CERT1: variants seen among roughly 807,000 people sequenced by gnomAD.
CERT1 encodes ceramide transporter 1.
In CERT1, 31 loss-of-function variants were observed where a neutral mutation model predicts 87.9. The observed-to-expected ratio is 0.35, with a 90% CI of 0.27 to 0.48. The LOEUF is 0.48. Among genes scored for constraint, CERT1 ranks in the 20% least tolerant of loss-of-function variants. The pLI is 0.99. For synonymous variants in CERT1, 289 were observed against 250.9 expected (o/e 1.15, Z -1.44); for missense variants, 487 against 758.0 (o/e 0.64, Z 4.20).
chr5:75,400,116 G>A, intron 10 of CERT1, 89 bp downstream of exon 10: 1 of 969,002 alleles, frequency 1.0e-6, no homozygotes, highest in Non-Finnish European at 1.6e-6. Context: ...TGGTGACAGA[G>A]TGAGACTCCG....
At chr5:75,504,599 T>G (rs1422189401) in intron 2 of CERT1, among the ~76,000 whole-genome samples, 1 of 152,220 alleles carries the variant, frequency 6.6e-6, no homozygotes, top group African/African-American at 2.4e-5. Context: ...TCTTTCACTT[T>G]TATAAGCCAA....
intron 3 of CERT1, among the ~76,000 whole-genome samples, chr5:75,444,931 C>T (rs75673664): frequency 0.12 from 18,751 of 151,942 alleles, 1,263 homozygotes; most frequent in South Asian, 0.23. Flanking sequence ...TGGTTATCAT[C>T]GGGATGATAT....
chr5:75,485,901 G>A (rs940776674), intron 2 of CERT1, among the ~76,000 whole-genome samples: 14 of 152,070 alleles, frequency 9.2e-5, no homozygotes, highest in Non-Finnish European at 1.8e-4. Context: ...AGACCCAGTG[G>A]CTTCACTGTT....
At chr5:75,476,305 A>G (rs1434954340) in intron 2 of CERT1, among the ~76,000 whole-genome samples, 1 of 152,146 alleles carries the variant, frequency 6.6e-6, no homozygotes, top group African/African-American at 2.4e-5. Flanking sequence ...TTAAGATATA[A>G]GAAAAGCATG....
At chr5:75,384,556 A>G (rs2112007708) in intron 14 of CERT1, 86 bp downstream of exon 14, 1 of 878,756 alleles carries the variant, frequency 1.1e-6, no homozygotes, top group Non-Finnish European at 1.8e-6. Flanking sequence ...GCTTTTAATA[A>G]CCTCCCCAAT....
At chr5:75,386,330 C>A (rs1761783147) in intron 12 of CERT1, among the ~76,000 whole-genome samples, 1 of 152,158 alleles carries the variant, frequency 6.6e-6, no homozygotes, top group African/African-American at 2.4e-5. Context: ...TCTCAAAAGA[C>A]TGTTTAACAT....
intron 3 of CERT1, among the ~76,000 whole-genome samples, chr5:75,446,456 C>T (rs1431501657): frequency 6.6e-6 from 1 of 152,124 alleles, no homozygotes; most frequent in East Asian, 1.9e-4. Context: ...AAGGTAGCTG[C>T]TTTAAAGTCT....
chr5:75,486,663 C>T (rs1379355091), intron 2 of CERT1, among the ~76,000 whole-genome samples: 1 of 151,870 alleles, frequency 6.6e-6, no homozygotes, highest in Non-Finnish European at 1.5e-5. Flanking sequence ...AAAATACATA[C>T]ACAAAAATCA....
At chr5:75,397,827 T>G (rs914778508) in intron 11 of CERT1, among the ~76,000 whole-genome samples, 8 of 152,130 alleles carry the variant, frequency 5.3e-5, no homozygotes, top group African/African-American at 1.4e-4. Flanking sequence ...TAGACCAGCC[T>G]GGCCAACATG....
chr5:75,401,718 A>T (rs79372215), intron 9 of CERT1: 1 of 152,202 alleles, frequency 6.6e-6, no homozygotes, highest in Admixed American at 6.5e-5. Context: ...TTTTAAAAAA[A>T]TAACGAAAGA....
intron 3 of CERT1, among the ~76,000 whole-genome samples, chr5:75,442,797 A>G (rs904215129): frequency 9.2e-5 from 14 of 152,166 alleles, no homozygotes; most frequent in Admixed American, 2.0e-4. Flanking sequence ...GAAAAGAGAG[A>G]AAGAGCCAGA....
chr5:75,448,807 A>G (rs1393017310), intron 3 of CERT1, among the ~76,000 whole-genome samples: 1 of 152,116 alleles, frequency 6.6e-6, no homozygotes. Flanking sequence ...ATGTAATCTC[A>G]TTTTCTTTAA....
intron 2 of CERT1, among the ~76,000 whole-genome samples, chr5:75,484,622 A>C (rs75772630): frequency 0.014 from 2,121 of 152,224 alleles, 52 homozygotes; most frequent in African/African-American, 0.049. Flanking sequence ...ATTTCAAGAC[A>C]AAACCAACAA....
chr5:75,431,188 A>AT (rs558281941), intron 3 of CERT1, among the ~76,000 whole-genome samples: 1 of 152,232 alleles, frequency 6.6e-6, no homozygotes, highest in South Asian at 2.1e-4. Flanking sequence ...CCTGACAGGT[A>AT]TTTTTTTGTC....
chr5:75,432,387 T>A (rs1007122629), intron 3 of CERT1, among the ~76,000 whole-genome samples: 1 of 152,162 alleles, frequency 6.6e-6, no homozygotes, highest in Non-Finnish European at 1.5e-5. Flanking sequence ...CTCACCAACA[T>A]CTGTTATTTT....
At chr5:75,477,952 C>T (rs570495978) in intron 2 of CERT1, among the ~76,000 whole-genome samples, 7 of 152,168 alleles carry the variant, frequency 4.6e-5, no homozygotes, top group African/African-American at 1.7e-4. Flanking sequence ...CAGATTGATA[C>T]ATTCATCTTG....
At chr5:75,511,964 G>A (rs968129814), upstream of CERT1, 5 of 703,370 alleles carry the variant, frequency 7.1e-6, no homozygotes, top group Admixed American at 1.5e-4. Context: ...CTTGTCAGTC[G>A]GTGGGTGGGC....
chr5:75,422,041 A>AT lies in CERT1; in HGVS notation c.596-2618dup, dbSNP rs1256173295. The stretch of plus-strand genomic sequence containing the variant: ...TACTTCTACTAGAGAGGGTATCCAC[A>AT]TATCAAGGAACTTTTGATTATCTAC... On this transcript the variant is annotated intron_variant, in intron 5 of 16. Transcript: ENST00000643780. Among the ~76,000 whole-genome samples, 3 of 152,336 alleles carry AT rather than the reference A, an allele frequency of 2.0e-5. No individual in the cohort carries two copies. In the East Asian group the frequency reaches 5.8e-4, roughly 29 times the overall value.
chr5:75,434,166 T>C (rs887427301), intron 3 of CERT1, among the ~76,000 whole-genome samples: 11 of 151,366 alleles, frequency 7.3e-5, no homozygotes, highest in Admixed American at 2.0e-4. Flanking sequence ...GTATGTTCCT[T>C]CAATGCCTAG....
Sources: allele counts gnomAD v4.1 joint callset (sites outside exome capture counted in the v4.1 genomes callset), GRCh38; gene constraint gnomAD v4.1.1; transcripts MANE v1.5; gene names NCBI Gene and HGNC (gene_info 2026-07-23, HGNC 2026-07-21).